Variants in ABCC9 observed in about 807,000 individuals in gnomAD.
ABCC9 encodes the protein ATP binding cassette subfamily C member 9.
Under a neutral mutation model 188.3 loss-of-function variants are expected in ABCC9, and 95 were observed. The observed-to-expected ratio is 0.50, with a 90% CI of 0.43 to 0.60. ABCC9 has a LOEUF of 0.60. ABCC9 is among the 20% of genes least tolerant of loss of function. The pLI, the probability that ABCC9 is intolerant of heterozygous loss-of-function variation, is 0.00. For synonymous variants in ABCC9, 659 were observed against 652.7 expected, an observed-to-expected ratio of 1.01 and a Z score of -0.15; for missense variants, 1,102 against 1,876.3, an observed-to-expected ratio of 0.59 and a Z score of 7.62.
chr12:21,889,083 TAAC>T (rs1947018829), intron 14 of ABCC9, among the ~76,000 whole-genome samples: 1 of 152,174 alleles, frequency 6.6e-6, no homozygotes, highest in South Asian at 2.1e-4. Context: ...TGTGACACAA[TAAC>T]AAAATGAGAA....
chr12:21,923,602 C>T (rs948621967), intron 5 of ABCC9: 1 of 527,172 alleles, frequency 1.9e-6, no homozygotes, highest in Non-Finnish European at 3.4e-6. Context: ...CACCCACTAG[C>T]ATGACTAAAT....
intron 30 of ABCC9, among the ~76,000 whole-genome samples, chr12:21,834,783 T>TGA (rs1943976509): frequency 3.1e-5 from 2 of 64,976 alleles, no homozygotes; most frequent in Non-Finnish European, 3.3e-5. Context: ...ATATATAACA[T>TGA]TATACACACA....
At chr12:21,850,792 A>G (rs989847712) in intron 24 of ABCC9, among the ~76,000 whole-genome samples, 1 of 152,062 alleles carries the variant, frequency 6.6e-6, no homozygotes, top group Non-Finnish European at 1.5e-5. Context: ...TATCCCCGGT[A>G]CGTTTAGAAT....
At chr12:21,925,866 G>T (rs1303935287) in intron 5 of ABCC9, 76 bp downstream of exon 5, 1 of 1,496,118 alleles carries the variant, frequency 6.7e-7, no homozygotes, top group Admixed American at 1.7e-5. Context: ...TTACCCTGAG[G>T]AAAAAGAAAA....
intron 4 of ABCC9, among the ~76,000 whole-genome samples, chr12:21,929,905 A>C (rs909333398): frequency 2.6e-5 from 4 of 152,132 alleles, no homozygotes; most frequent in Non-Finnish European, 5.9e-5. Flanking sequence ...ACATATGTAT[A>C]CATGTGCCAT....
chr12:21,927,517 CA>C, intron 4 of ABCC9, among the ~76,000 whole-genome samples: 1 of 152,092 alleles, frequency 6.6e-6, no homozygotes, highest in East Asian at 1.9e-4. Flanking sequence ...GTGAAATAGA[CA>C]GGAGTTTACT....
chr12:21,852,363 C>A lies in ABCC9; in HGVS notation c.2643+5G>T, dbSNP rs778656294. 6.2e-7 allele frequency: 1 copy of A among 1,613,908 alleles called. No homozygotes were observed. The highest frequency in any genetic ancestry group is 1.3e-5 in the African/African-American group (1 of 75,030). On this transcript the variant is annotated splice_donor_5th_base_variant and intron_variant, in intron 23 of 39. Coordinates refer to ENST00000261200, the MANE Select transcript of ABCC9 (RefSeq NM_020297.4). ...AATGAGCAAAATTCTCTTCTAAACT[C>A]TTACCCAGTCAGCATGCGTCAGATA...
At chr12:21,871,334 G>A (rs962855833) in intron 18 of ABCC9, among the ~76,000 whole-genome samples, 11 of 152,152 alleles carry the variant, frequency 7.2e-5, no homozygotes, top group South Asian at 2.1e-4. Flanking sequence ...GTTTCACTGA[G>A]CTCTCTGCTG....
intron 15 of ABCC9, among the ~76,000 whole-genome samples, chr12:21,885,306 A>G (rs965912541): frequency 1.3e-5 from 2 of 152,208 alleles, no homozygotes; most frequent in Admixed American, 6.5e-5. Context: ...GCAGTGATGA[A>G]TGACCCTGAA....
At position 21,814,737 on chromosome 12, in the gene ABCC9, G is replaced by A. The variant is rs775449737; in HGVS notation, c.4024-15C>T. 1 of 1,611,490 alleles carries A rather than the reference G, an allele frequency of 6.2e-7. No homozygotes were observed. Among genetic ancestry groups the A allele is most frequent in the South Asian group, 1.1e-5 (1 of 91,032 alleles). ...CATATGCCCACCTAGGAAAACAGCT[G>A]TCACTCAAAGAGAAGAGGACTCAGA... On this transcript the variant is annotated splice_polypyrimidine_tract_variant and intron_variant, in intron 34 of 39. Coordinates refer to ENST00000261200, the MANE Select transcript of ABCC9 (RefSeq NM_020297.4).
Position 21,801,014 on chromosome 12 carries a change from T to C in ABCC9, c.*30A>G, listed in dbSNP as rs1364294777. 3.7e-6 allele frequency: 6 copies of C among 1,612,788 alleles called. No homozygotes were observed. The highest frequency in any genetic ancestry group is 1.3e-5 in the African/African-American group (1 of 74,912). On this transcript the variant is annotated 3_prime_UTR_variant, in exon 40 of 40. Transcript: ENST00000261200. ...TAATTAGGTTATGACTGCATTATTT[T>C]AAATACATGTATTGTTTTAAGACAC...
At chr12:21,866,555 G>A (rs1338724218) in intron 18 of ABCC9, among the ~76,000 whole-genome samples, 3 of 151,986 alleles carry the variant, frequency 2.0e-5, no homozygotes, top group African/African-American at 7.3e-5. Context: ...TGAAAATAGG[G>A]GCCTGCCTTC....
At chr12:21,922,592 A>G (rs1259505100) in intron 5 of ABCC9, among the ~76,000 whole-genome samples, 1 of 151,920 alleles carries the variant, frequency 6.6e-6, no homozygotes, top group African/African-American at 2.4e-5. Context: ...AAAGACCTCT[A>G]CACTGAAAGC....
chr12:21,907,771 G>T (rs958193206), intron 11 of ABCC9, among the ~76,000 whole-genome samples: 30 of 151,946 alleles, frequency 2.0e-4, no homozygotes, highest in African/African-American at 7.2e-4. Context: ...TAGCCTCAAA[G>T]TACGCTTAAG....
chr12:21,912,741 C>A, intron 8 of ABCC9, 131 bp downstream of exon 8: 1 of 877,282 alleles, frequency 1.1e-6, no homozygotes, highest in South Asian at 1.7e-5. Context: ...TGTTTTCTTT[C>A]TTTTAGAAAG....
At chr12:21,862,799 T>C (rs530780564) in intron 20 of ABCC9, among the ~76,000 whole-genome samples, 154 bp downstream of exon 20, 11 of 152,182 alleles carry the variant, frequency 7.2e-5, no homozygotes, top group African/African-American at 2.6e-4. Context: ...CTTCAAAGAA[T>C]TGATTCAAAA....
intron 20 of ABCC9, among the ~76,000 whole-genome samples, chr12:21,861,896 G>T (rs1227354825): frequency 3.3e-5 from 5 of 152,100 alleles, no homozygotes; most frequent in African/African-American, 1.2e-4. Context: ...AAGGGAGATA[G>T]TGAGGACTGA....
At chr12:21,809,416 G>C (rs933219488) in intron 37 of ABCC9, among the ~76,000 whole-genome samples, 2 of 152,154 alleles carry the variant, frequency 1.3e-5, no homozygotes, top group South Asian at 2.1e-4. Flanking sequence ...CCTGGCAGCA[G>C]AGAAAATGGC....
rs1565753789 is a variant in ABCC9, at chr12:21,863,074, A to G, written c.2238-20T>C. The G allele has an allele frequency of 1.3e-6, 2 of 1,516,010 alleles. No individual in the cohort carries two copies. Among genetic ancestry groups the G allele is most frequent in the South Asian group, 1.1e-5 (1 of 88,746 alleles). 93.9% of individuals were successfully genotyped at this position (1,516,010 alleles called of 1,614,324 possible). A position where few individuals can be genotyped will look rare whatever the true frequency, so the allele number is the denominator to read the frequency against. On this transcript the variant is annotated intron_variant, in intron 19 of 39. Transcript: ENST00000261200. Reference sequence around the variant, plus strand: ...TTCCTACTGAAAAATGAAAAAGAAAAAAAAAAACACCAGGATTATGCAAAG... The same window carrying G: ...TTCCTACTGAAAAATGAAAAAGAAAGAAAAAAACACCAGGATTATGCAAAG...
Sources: allele counts gnomAD v4.1 joint callset (sites outside exome capture counted in the v4.1 genomes callset), GRCh38; gene constraint gnomAD v4.1.1; transcripts MANE v1.5; gene names NCBI Gene and HGNC (gene_info 2026-07-23, HGNC 2026-07-21).